SHC4: variants seen among roughly 807,000 people sequenced by gnomAD.
The protein encoded by SHC4 is SHC-transforming protein 4.
In SHC4, 41 loss-of-function variants were observed where a neutral mutation model predicts 69.4. That is an observed-to-expected ratio of 0.59 (90% CI 0.46 to 0.77). SHC4 has a LOEUF of 0.77. Among genes scored for constraint, SHC4 ranks in the 30% least tolerant of loss-of-function variants. SHC4 has a pLI of 0.00. For missense variants in SHC4, 777 were observed against 783.8 expected, an observed-to-expected ratio of 0.99 and a Z score of 0.10; for synonymous variants, 318 against 299.3, an observed-to-expected ratio of 1.06 and a Z score of -0.64.
intron 1 of SHC4, among the ~76,000 whole-genome samples, chr15:48,961,943 T>C (rs531121003): frequency 6.6e-6 from 1 of 152,318 alleles, no homozygotes; most frequent in South Asian, 2.1e-4. Context: ...AAGTGTTTGT[T>C]AAATGCTGAA....
chr15:48,833,553 C>A (rs1898845616), intron 11 of SHC4, among the ~76,000 whole-genome samples: 2 of 152,162 alleles, frequency 1.3e-5, no homozygotes, highest in South Asian at 2.1e-4. Context: ...TGTGTACTTT[C>A]TCCTATTTGT....
chr15:48,835,256 G>A (rs1358407469), intron 10 of SHC4, among the ~76,000 whole-genome samples: 2 of 152,120 alleles, frequency 1.3e-5, no homozygotes, highest in African/African-American at 4.8e-5. Context: ...GCCTTGCCCA[G>A]GTGCAGGAGT....
At chr15:48,887,828 C>T (rs555885006) in intron 3 of SHC4, among the ~76,000 whole-genome samples, 1 of 152,052 alleles carries the variant, frequency 6.6e-6, no homozygotes, top group African/African-American at 2.4e-5. Flanking sequence ...ACATTACTAC[C>T]AATTCTATAG....
intron 3 of SHC4, among the ~76,000 whole-genome samples, chr15:48,887,853 G>T (rs1165999822): frequency 2.6e-5 from 4 of 152,168 alleles, no homozygotes; most frequent in Admixed American, 6.5e-5. Context: ...AAAAAGGATT[G>T]TAAGAGACTA....
In SHC4 at chr15:48,958,708, T is replaced by A. The variant is rs1901492427; in HGVS notation, c.585+3723A>T. Among the ~76,000 whole-genome samples the A allele has an allele frequency of 2.0e-5, 3 of 152,222 alleles. No individual in the cohort carries two copies. The South Asian group carries it at 6.2e-4, about 32-fold the overall frequency. ...ACTGTCACGTTGTAGATTTTCCACA[T>A]TCCCCACTATGTTGGGCACCTGGGA... is the stretch of plus-strand genomic sequence containing the variant. On this transcript the variant is annotated intron_variant, in intron 1 of 11. Coordinates refer to ENST00000332408, the MANE Select transcript of SHC4 (RefSeq NM_203349.4).
intron 6 of SHC4, among the ~76,000 whole-genome samples, chr15:48,860,620 G>A (rs1899423166): frequency 6.6e-6 from 1 of 152,190 alleles, no homozygotes; most frequent in Admixed American, 6.5e-5. Context: ...TTGAGGAGAT[G>A]TTGAGAGATG....
At chr15:48,838,057 C>T (rs1034633820) in intron 10 of SHC4, among the ~76,000 whole-genome samples, 8 of 152,032 alleles carry the variant, frequency 5.3e-5, no homozygotes, top group Admixed American at 3.3e-4. Flanking sequence ...ATTGATATGT[C>T]CATCAATAAG....
intron 6 of SHC4, among the ~76,000 whole-genome samples, chr15:48,864,526 C>T (rs915760139): frequency 1.5e-5 from 2 of 131,454 alleles, no homozygotes; most frequent in Admixed American, 9.4e-5. Flanking sequence ...TGGCTCACTG[C>T]AAGCTCCGCC....
At chr15:48,914,490 T>C (rs1000130459) in intron 2 of SHC4, among the ~76,000 whole-genome samples, 3 of 152,238 alleles carry the variant, frequency 2.0e-5, no homozygotes, top group Non-Finnish European at 4.4e-5. Flanking sequence ...TTCATCGTCT[T>C]ATTCTGCCAC....
chr15:48,861,654 T>C (rs535493580), intron 6 of SHC4, among the ~76,000 whole-genome samples: 7 of 152,360 alleles, frequency 4.6e-5, no homozygotes, highest in African/African-American at 1.4e-4. Flanking sequence ...TTCAGGGATA[T>C]GGTAACTTTG....
intron 1 of SHC4, 133 bp downstream of exon 1, chr15:48,962,298 G>C (rs548178618): frequency 4.4e-6 from 4 of 910,660 alleles, no homozygotes; most frequent in Non-Finnish European, 6.4e-6. Context: ...GCTCCCCTCC[G>C]CCTTGGTCCA....
At chr15:48,939,144 C>A (rs1901128687) in intron 1 of SHC4, among the ~76,000 whole-genome samples, 1 of 152,180 alleles carries the variant, frequency 6.6e-6, no homozygotes, top group Non-Finnish European at 1.5e-5. Flanking sequence ...TTCAGTTCTA[C>A]CTGCCTCAGT....
chr15:48,938,161 A>C (rs577684852), intron 1 of SHC4: 1 of 152,202 alleles, frequency 6.6e-6, no homozygotes, highest in East Asian at 1.9e-4. Context: ...GAGAATTGGA[A>C]TACTGGCTTG....
intron 11 of SHC4, among the ~76,000 whole-genome samples, chr15:48,828,173 TAAC>T (rs1430863310): frequency 6.6e-6 from 1 of 151,748 alleles, no homozygotes; most frequent in Non-Finnish European, 1.5e-5. Context: ...ACTATACACT[TAAC>T]AGATTTTTAA....
intron 4 of SHC4, among the ~76,000 whole-genome samples, chr15:48,882,582 C>G (rs185416575): frequency 5.0e-4 from 76 of 152,242 alleles, no homozygotes; most frequent in Non-Finnish European, 1.0e-3. Flanking sequence ...ATACCACAAT[C>G]CCATTCATAA....
chr15:48,909,542 T>C (rs1342382620), intron 2 of SHC4, among the ~76,000 whole-genome samples: 1 of 152,164 alleles, frequency 6.6e-6, no homozygotes, highest in Admixed American at 6.5e-5. Context: ...TGGATGCTGT[T>C]TATTTCTTTC....
chr15:48,861,166 G>A (rs567135234), intron 6 of SHC4, among the ~76,000 whole-genome samples: 4 of 152,094 alleles, frequency 2.6e-5, no homozygotes, highest in African/African-American at 4.8e-5. Flanking sequence ...GTCTCACTAC[G>A]TTGCTCAGAC....
intron 4 of SHC4, chr15:48,878,091 C>T (rs1899853390): frequency 1.3e-6 from 2 of 1,491,420 alleles, no homozygotes; most frequent in African/African-American, 2.8e-5. Flanking sequence ...CGCAAGCGCG[C>T]AGCCTTTGCG....
chr15:48,862,003 C>G (rs1899453511), intron 6 of SHC4, among the ~76,000 whole-genome samples: 1 of 152,092 alleles, frequency 6.6e-6, no homozygotes, highest in Non-Finnish European at 1.5e-5. Flanking sequence ...CTTTTCAGGT[C>G]AACCACCAGA....
Sources: allele counts gnomAD v4.1 joint callset (sites outside exome capture counted in the v4.1 genomes callset), GRCh38; gene constraint gnomAD v4.1.1; transcripts MANE v1.5; gene names NCBI Gene and HGNC (gene_info 2026-07-23, HGNC 2026-07-21).